Variants in UTP20 observed in about 807,000 individuals in gnomAD.
The protein encoded by UTP20 is UTP20 small subunit processome component.
A neutral mutation model predicts 329.5 loss-of-function variants in UTP20; 164 were observed. The ratio of observed to expected loss-of-function variants is 0.50; its 90% confidence interval spans 0.44 to 0.57. UTP20 has a LOEUF of 0.57. UTP20 is among the 20% of genes least tolerant of loss of function. The pLI is 0.00. For missense variants in UTP20, 3,055 were observed against 3,284.2 expected, an observed-to-expected ratio of 0.93 and a Z score of 1.71; for synonymous variants, 1,151 against 1,159.3, an observed-to-expected ratio of 0.99 and a Z score of 0.14.
chr12:101,330,080 A>T (rs537752462), intron 27 of UTP20, among the ~76,000 whole-genome samples: 3 of 152,232 alleles, frequency 2.0e-5, no homozygotes, highest in African/African-American at 7.2e-5. Flanking sequence ...AGTAGAAGAA[A>T]TCATGAGCAT....
chr12:101,373,321 G>C, intron 52 of UTP20, 80 bp from the exon 53 acceptor site: 1 of 1,364,572 alleles, frequency 7.3e-7, no homozygotes, highest in Non-Finnish European at 1.0e-6. Context: ...CTGACACCTT[G>C]ATACAATATT....
At chr12:101,355,291 C>T (rs1020432102) in intron 41 of UTP20, among the ~76,000 whole-genome samples, 173 bp downstream of exon 41, 1 of 152,172 alleles carries the variant, frequency 6.6e-6, no homozygotes, top group Admixed American at 6.6e-5. Flanking sequence ...CAGGCTTATC[C>T]TGCTGCAACT....
chr12:101,320,338 C>T (rs929815258), intron 23 of UTP20, among the ~76,000 whole-genome samples: 1 of 152,044 alleles, frequency 6.6e-6, no homozygotes, highest in African/African-American at 2.4e-5. Context: ...GACAGATCAC[C>T]TGAGCTCAGG....
chr12:101,359,489 GTATGTGTGTGTGTA>G (rs1565804020), intron 43 of UTP20, among the ~76,000 whole-genome samples: 18 of 133,094 alleles, frequency 1.4e-4, no homozygotes, highest in African/African-American at 5.9e-4. Flanking sequence ...GTGTGTGTAT[GTATGTGTGTGTGTA>G]TATATATATA....
chr12:101,280,121 G>A lies in UTP20; in HGVS notation c.-162G>A. 1.1e-6 allele frequency: 1 copy of A among 873,496 alleles called. No homozygotes were observed. 54.1% of individuals were successfully genotyped at this position (873,496 alleles called of 1,614,324 possible). On this transcript the variant is annotated 5_prime_UTR_variant, in exon 1 of 62. Coordinates refer to ENST00000261637, the MANE Select transcript of UTP20 (RefSeq NM_014503.3). ...ACGTGACCCACTCAGGCTCCTCCTTGTCTCCAACATGGCGGCGCCCAGGGG... is the reference window on the plus strand; with the variant it reads ...ACGTGACCCACTCAGGCTCCTCCTTATCTCCAACATGGCGGCGCCCAGGGG...
intron 22 of UTP20, 108 bp from the exon 23 acceptor site, chr12:101,319,437 T>C (rs1057065214): frequency 8.5e-6 from 6 of 708,842 alleles, no homozygotes; most frequent in Non-Finnish European, 1.4e-5. Context: ...AGTGAAACTA[T>C]AGGCGGGGTG....
rs1249890918 is a variant in UTP20 at position 101,285,839 on chromosome 12, AC to A, written c.286del (p.Leu96CysfsTer36). 1 of 1,613,896 alleles carries A rather than the reference AC, an allele frequency of 6.2e-7. No homozygotes were observed. Among genetic ancestry groups the A allele is most frequent in the Non-Finnish European group, 8.5e-7 (1 of 1,179,890 alleles). ...QNEIVQSLKT[H>X]LQVKNSFAYQ... ...GAGATAGTTCAGAGTTTGAAGACTC[AC>A]CTGCAAGTTAAGAACAGTTTTGCCT... On this transcript the variant is annotated frameshift_variant, in exon 4 of 62. Transcript: ENST00000261637. LOFTEE classifies it high-confidence loss of function.
In UTP20 at chr12:101,290,847, A is replaced by G. The variant is rs749485098; in HGVS notation, c.850A>G (p.Ile284Val). ...CATGGTCAAATCCACTGTATCCTAC[A>G]TCTCCAAGGAACATTTTGGTACATT... ...KNMVKSTVSY[I>V]SKEHFGTFFE... The change falls in exon 8 of 62, where the codon ATC (isoleucine) becomes GTC (valine). Residue 284 changes from isoleucine (I) to valine (V), a missense_variant. Around this residue, in one of 3 missense-constraint regions of UTP20, gnomAD observed 2,445 missense variants for 2,575.5 expected, o/e 0.95. Transcript: ENST00000261637. 30 of 1,613,614 alleles carry G rather than the reference A, an allele frequency of 1.9e-5. No homozygotes were observed. Among genetic ancestry groups the G allele is most frequent in the Non-Finnish European group, 2.5e-5 (30 of 1,179,840 alleles).
intron 31 of UTP20, among the ~76,000 whole-genome samples, chr12:101,339,504 T>C (rs1869050307): frequency 6.6e-6 from 1 of 152,186 alleles, no homozygotes; most frequent in Admixed American, 6.5e-5. Context: ...CTTTATTTAA[T>C]AAAATTAAAG....
In UTP20 at chr12:101,300,035, C is replaced by T; in HGVS notation, c.1649C>T (p.Thr550Ile). The change falls in exon 14 of 62, where the codon ACT becomes ATT. Residue 550 changes from threonine to isoleucine, a missense_variant. This residue lies in a region of UTP20 where 2,445 missense variants were observed against 2,575.5 expected (regional missense o/e 0.95). Coordinates refer to ENST00000261637, the MANE Select transcript of UTP20 (RefSeq NM_014503.3). ...VTGFIEALFMTVDKGSFGKGN... is the reference protein window; with the variant it reads ...VTGFIEALFMIVDKGSFGKGN... ...GGCTTCATAGAGGCACTCTTCATGA[C>T]TGTTGACAAAGGAAGCTTTGGGAAA... 6.2e-7 allele frequency: 1 copy of T among 1,614,170 alleles called. No homozygotes were observed. The highest frequency in any genetic ancestry group is 8.5e-7 in the Non-Finnish European group (1 of 1,180,006).
At chr12:101,293,075 T>A in intron 10 of UTP20, 93 bp from the exon 11 acceptor site, 1 of 1,252,726 alleles carries the variant, frequency 8.0e-7, no homozygotes, top group Non-Finnish European at 1.2e-6. Flanking sequence ...CTGAGTGAAG[T>A]GTCCCTGCCA....
rs1323746921 is a variant in UTP20 at position 101,346,562 on chromosome 12, C to G, written c.4858C>G (p.Pro1620Ala). Residue 1620 changes from proline (P) to alanine (A), a missense_variant, in exon 38 of 62, where the codon CCA becomes GCA. Transcript: ENST00000261637. ...QNYIMPYAMT[P>A]IFDEKMLKHE... ...TTACATCATGCCTTATGCCATGACTCCAATTTTTGATGAGAAAATGCTCAA... is the reference window on the plus strand; with the variant it reads ...TTACATCATGCCTTATGCCATGACTGCAATTTTTGATGAGAAAATGCTCAA... The G allele has an allele frequency of 1.9e-6, 3 of 1,599,218 alleles. No homozygotes were observed. In the South Asian group the frequency reaches 3.4e-5, roughly 18 times the overall value.
At chr12:101,348,925 T>C (rs893227579) in intron 38 of UTP20, among the ~76,000 whole-genome samples, 2 of 152,092 alleles carry the variant, frequency 1.3e-5, no homozygotes, top group Non-Finnish European at 2.9e-5. Flanking sequence ...AGTACAGGTC[T>C]ACTAGTGATT....
chr12:101,318,245 G>A (rs1873040187), intron 22 of UTP20, among the ~76,000 whole-genome samples: 1 of 152,118 alleles, frequency 6.6e-6, no homozygotes, highest in East Asian at 1.9e-4. Flanking sequence ...CATGCTTTTA[G>A]AAGTTACTTC....
chr12:101,300,335 T>A (rs1411146264), intron 14 of UTP20, among the ~76,000 whole-genome samples: 1 of 152,126 alleles, frequency 6.6e-6, no homozygotes, highest in Non-Finnish European at 1.5e-5. Flanking sequence ...CCATACCAGG[T>A]CCTCTTTTTC....
In UTP20 at chr12:101,319,565, A is replaced by C. The variant is rs759072687; in HGVS notation, c.2759A>C (p.Gln920Pro). Reference sequence around the variant, plus strand: ...TTTAGGCAATTAATTGCTCATTTGCAAGTTTTCTCTAAATTTTCAAATCCA... The same window carrying C: ...TTTAGGCAATTAATTGCTCATTTGCCAGTTTTCTCTAAATTTTCAAATCCA... ...AAAKQLIAHL[Q>P]VFSKFSNPRA... Residue 920 changes from glutamine to proline, a missense_variant, in exon 23 of 62, where the codon CAA becomes CCA. By Grantham distance (76) the Gln-to-Pro change is moderately conservative. Coordinates refer to ENST00000261637, the MANE Select transcript of UTP20 (RefSeq NM_014503.3). 6.2e-7 allele frequency: 1 copy of C among 1,607,498 alleles called. No individual in the cohort carries two copies. Among genetic ancestry groups the C allele is most frequent in the South Asian group, 1.1e-5 (1 of 89,558 alleles).
intron 12 of UTP20, among the ~76,000 whole-genome samples, chr12:101,298,392 G>T (rs1209104254): frequency 6.6e-6 from 1 of 152,158 alleles, no homozygotes; most frequent in Non-Finnish European, 1.5e-5. Flanking sequence ...GCCTTGCAAA[G>T]ATCTCAGTGA....
chr12:101,289,059 T>G lies in UTP20; in HGVS notation c.597+18T>G. 1 of 1,596,396 alleles carries G rather than the reference T, an allele frequency of 6.3e-7. No homozygotes were observed. Among genetic ancestry groups the G allele is most frequent in the Non-Finnish European group, 8.6e-7 (1 of 1,164,674 alleles). ...TGAGAAAGGTTAGTCTGGTATTTTATCTGTTTGTTGCTAATCATCAAGAAT... is the reference window on the plus strand; with the variant it reads ...TGAGAAAGGTTAGTCTGGTATTTTAGCTGTTTGTTGCTAATCATCAAGAAT... On this transcript the variant is annotated intron_variant, in intron 6 of 61. Transcript: ENST00000261637.
chr12:101,303,598 A>T (rs1872581015), intron 15 of UTP20, among the ~76,000 whole-genome samples: 1 of 152,192 alleles, frequency 6.6e-6, no homozygotes, highest in Non-Finnish European at 1.5e-5. Context: ...AGGAGAGGTC[A>T]TCTTGGCTGA....
Sources: gnomAD v4.1 joint callset for allele counts (sites outside exome capture counted in the v4.1 genomes callset) on GRCh38, gnomAD v4.1.1 for gene constraint, gnomAD v4.1.1 regional missense constraint, MANE v1.5 for transcripts, NCBI Gene and HGNC (gene_info 2026-07-23, HGNC 2026-07-21) for gene names.